Variants in KCNH8 observed in about 807,000 individuals in gnomAD.
KCNH8 encodes potassium voltage-gated channel subfamily H member 8.
Under a neutral mutation model 103.6 loss-of-function variants are expected in KCNH8, and 70 were observed. The ratio of observed to expected loss-of-function variants is 0.68; its 90% CI spans 0.56 to 0.82. KCNH8 has a LOEUF of 0.82. Among genes scored for constraint, KCNH8 ranks in the 40% least tolerant of loss-of-function variants. The pLI is 0.00. For missense variants in KCNH8, 1,217 were observed against 1,329.9 expected (o/e 0.92, Z 1.32); for synonymous variants, 498 against 489.4 (o/e 1.02, Z -0.23).
At chr3:19,222,383 A>G (rs192780788) in intron 1 of KCNH8, among the ~76,000 whole-genome samples, 7 of 152,360 alleles carry the variant, frequency 4.6e-5, no homozygotes, top group Admixed American at 4.6e-4. Flanking sequence ...ACTTCGGTGA[A>G]AAATGAATGT....
At chr3:19,450,439 GA>G (rs1227281329) in intron 9 of KCNH8, 134 bp downstream of exon 9, 1 of 717,940 alleles carries the variant, frequency 1.4e-6, no homozygotes, top group African/African-American at 1.8e-5. Context: ...AATTATTCAT[GA>G]ATCCCAATCC....
At chr3:19,355,341 T>G (rs1043413166) in intron 5 of KCNH8, among the ~76,000 whole-genome samples, 1 of 152,208 alleles carries the variant, frequency 6.6e-6, no homozygotes, top group African/African-American at 2.4e-5. Flanking sequence ...CTCAAGGATC[T>G]AGAACTAGAA....
intron 3 of KCNH8, among the ~76,000 whole-genome samples, chr3:19,293,008 A>C (rs2064950046): frequency 6.6e-6 from 1 of 152,196 alleles, no homozygotes; most frequent in Non-Finnish European, 1.5e-5. Flanking sequence ...ATATCTCTAA[A>C]ATAGAAATAG....
At chr3:19,160,439 C>G (rs2063222582) in intron 1 of KCNH8, among the ~76,000 whole-genome samples, 1 of 152,072 alleles carries the variant, frequency 6.6e-6, no homozygotes, top group African/African-American at 2.4e-5. Flanking sequence ...GTAACCACCA[C>G]CACAGTCAAG....
intron 1 of KCNH8, among the ~76,000 whole-genome samples, chr3:19,151,727 T>A (rs185992741): frequency 6.6e-6 from 1 of 152,078 alleles, no homozygotes; most frequent in Non-Finnish European, 1.5e-5. Flanking sequence ...TTTATTATTT[T>A]ACATATTATA....
chr3:19,358,402 A>T (rs2065908681), intron 5 of KCNH8, among the ~76,000 whole-genome samples: 1 of 151,842 alleles, frequency 6.6e-6, no homozygotes, highest in African/African-American at 2.4e-5. Flanking sequence ...CACAAAAAAT[A>T]AAACTATTGT....
rs556472213 is a variant in KCNH8, at chr3:19,258,881, A to AATAACTTC, written c.310+4997_310+5004dup. 5.8e-3 allele frequency among the ~76,000 whole-genome samples: 775 copies of AATAACTTC among 134,004 alleles called. 6 individuals carry two copies. The highest frequency in any genetic ancestry group is 0.019 in the African/African-American group (692 of 35,526). The allele number at this position is 134,004 out of a possible 152,430, so 87.9% of individuals were successfully genotyped here. On this transcript the variant is annotated intron_variant, in intron 2 of 15. Coordinates refer to ENST00000328405, the MANE Select transcript of KCNH8 (RefSeq NM_144633.3). ...TTGTTGAGATATATATTACAGAGTA[A>AATAACTTC]ATAACTTCATTTTTATTTTCTGTTT...
intron 7 of KCNH8, among the ~76,000 whole-genome samples, chr3:19,433,404 TAC>T (rs1286533341): frequency 2.0e-5 from 3 of 152,348 alleles, no homozygotes; most frequent in African/African-American, 7.2e-5. Flanking sequence ...TCATACTTTT[TAC>T]ACAGAGTTTT....
intron 5 of KCNH8, among the ~76,000 whole-genome samples, chr3:19,359,117 A>G (rs887278013): frequency 6.6e-6 from 1 of 151,890 alleles, no homozygotes; most frequent in African/African-American, 2.4e-5. Context: ...GATTTTTTAA[A>G]TTCAAAAATA....
chr3:19,194,519 A>G (rs751519887), intron 1 of KCNH8, among the ~76,000 whole-genome samples: 6 of 151,830 alleles, frequency 4.0e-5, no homozygotes, highest in Non-Finnish European at 5.9e-5. Flanking sequence ...GACCTATTAT[A>G]GGGCTAGGAC....
At chr3:19,364,264 G>A (rs2065982252) in intron 5 of KCNH8, among the ~76,000 whole-genome samples, 1 of 152,092 alleles carries the variant, frequency 6.6e-6, no homozygotes, top group Admixed American at 6.6e-5. Context: ...TAAGCGTGTT[G>A]AGGAGACTCC....
Position 19,281,319 on chromosome 3 carries a change from T to C in KCNH8, c.432T>C (p.Asp144=), listed in dbSNP as rs752554827. The C allele has an allele frequency of 1.2e-6, 2 of 1,600,070 alleles. No homozygotes were observed. The highest frequency in any genetic ancestry group is 2.3e-5 in the South Asian group (2 of 87,584). ...TDTKVKITPE[D]KKEDKVKGRS... is the part of the protein sequence containing the mutation. ...CAAAAGTGAAGATTACTCCAGAAGA[T>C]AAAAAAGAAGGTTTGTACCGTTTTC... Residue 144 remains aspartate (D), a synonymous_variant, in exon 3 of 16, where the codon GAT becomes GAC. Transcript: ENST00000328405.
chr3:19,283,705 C>T (rs2064788377), intron 3 of KCNH8, among the ~76,000 whole-genome samples: 1 of 151,310 alleles, frequency 6.6e-6, no homozygotes, highest in African/African-American at 2.4e-5. Context: ...CTGCTTGAGC[C>T]CAGAGTTTGA....
At chr3:19,159,946 A>G (rs1361244799) in intron 1 of KCNH8, among the ~76,000 whole-genome samples, 1 of 152,136 alleles carries the variant, frequency 6.6e-6, no homozygotes, top group Non-Finnish European at 1.5e-5. Flanking sequence ...ACTTTTCAGT[A>G]TCTTTGGTAT....
intron 3 of KCNH8, among the ~76,000 whole-genome samples, chr3:19,297,203 T>A (rs141332775): frequency 2.0e-5 from 3 of 152,184 alleles, no homozygotes; most frequent in African/African-American, 7.2e-5. Context: ...AAAGCTCTTA[T>A]CACATTGGAA....
chr3:19,364,376 T>G (rs1287423255), intron 5 of KCNH8, among the ~76,000 whole-genome samples: 1 of 152,124 alleles, frequency 6.6e-6, no homozygotes, highest in Non-Finnish European at 1.5e-5. Flanking sequence ...GGATTTGACC[T>G]TTGTCCCACA....
intron 3 of KCNH8, among the ~76,000 whole-genome samples, chr3:19,318,314 T>C (rs1030200353): frequency 6.6e-6 from 1 of 151,904 alleles, no homozygotes; most frequent in African/African-American, 2.4e-5. Context: ...GAGAAACAAG[T>C]GGTGTTTGGT....
At chr3:19,467,401 T>C (rs1229172744) in intron 11 of KCNH8, among the ~76,000 whole-genome samples, 1 of 152,122 alleles carries the variant, frequency 6.6e-6, no homozygotes, top group East Asian at 1.9e-4. Context: ...ACAGCTGCCA[T>C]TTCTGATTGC....
intron 8 of KCNH8, among the ~76,000 whole-genome samples, chr3:19,442,574 T>C (rs1044957961): frequency 6.6e-6 from 1 of 152,182 alleles, no homozygotes; most frequent in African/African-American, 2.4e-5. Context: ...TTCTTGTTTG[T>C]TGAATGTTTA....
Sources: gnomAD v4.1 joint callset for allele counts (sites outside exome capture counted in the v4.1 genomes callset) on GRCh38, gnomAD v4.1.1 for gene constraint, MANE v1.5 for transcripts, NCBI Gene and HGNC (gene_info 2026-07-23, HGNC 2026-07-21) for gene names.